CACNA1A: variants seen among roughly 807,000 people sequenced by gnomAD.
The protein encoded by CACNA1A is voltage-dependent P/Q-type calcium channel subunit alpha-1A.
A neutral mutation model predicts 262.4 loss-of-function variants in CACNA1A; 57 were observed. The observed-to-expected ratio is 0.22, with a 90% CI of 0.18 to 0.27. The LOEUF (loss-of-function observed/expected upper bound fraction) is 0.27, where lower values mean the gene tolerates loss of function less well. CACNA1A is among the 10% of genes least tolerant of loss of function. The probability of loss-of-function intolerance (pLI) is 1.00; values close to 1 mark genes in which losing one functional copy is unlikely to be tolerated. For missense variants in CACNA1A, 2,526 were observed against 3,562.8 expected, an observed-to-expected ratio of 0.71 and a Z score of 7.41; for synonymous variants, 1,431 against 1,419.3, an observed-to-expected ratio of 1.01 and a Z score of -0.18.
chr19:13,255,245 A>G lies in CACNA1A; in HGVS notation c.4605T>C (p.Asp1535=), dbSNP rs766436059. The G allele has an allele frequency of 6.2e-7, 1 of 1,602,166 alleles. No individual in the cohort carries two copies. Among genetic ancestry groups the G allele is most frequent in the Admixed American group, 1.7e-5 (1 of 59,536 alleles). Reference sequence around the variant, plus strand: ...TCAGCGGCTTGGCGCTGATGGCGAAATCAATGCAGGCCCTCTGCGGGAGAG... The same window carrying G: ...TCAGCGGCTTGGCGCTGATGGCGAAGTCAATGCAGGCCCTCTGCGGGAGAG... ...SLEKNERACI[D]FAISAKPLTR... Residue 1535 remains aspartate, a synonymous_variant, in exon 29 of 47, where the codon GAT becomes GAC. Transcript: ENST00000360228.
chr19:13,284,445 G>A (rs547014420), intron 21 of CACNA1A: 1 of 152,332 alleles, frequency 6.6e-6, no homozygotes, highest in East Asian at 1.9e-4. Flanking sequence ...ATCCTTCATT[G>A]TCAAGAAGCA....
At chr19:13,497,565 TATATATATATATATAA>T (rs1981826792) in intron 1 of CACNA1A, among the ~76,000 whole-genome samples, 1 of 37,506 alleles carries the variant, frequency 2.7e-5, no homozygotes, top group African/African-American at 1.0e-4. Context: ...TATATATATA[TATATATATATATATAA>T]ATTTATGTTG....
chr19:13,403,701 C>T lies in CACNA1A; in HGVS notation c.540-31922G>A, dbSNP rs867790543. 2.6e-5 allele frequency among the ~76,000 whole-genome samples: 4 copies of T among 151,968 alleles called. No individual in the cohort carries two copies. In the South Asian group the frequency reaches 6.2e-4, roughly 24 times the overall value. The stretch of plus-strand genomic sequence containing the variant: ...CTGTAATCCCAGCATGTTGGAAGGC[C>T]GAGGTGGGGGGATTGCTTGAACCTA... On this transcript the variant is annotated intron_variant, in intron 3 of 46. Transcript: ENST00000360228.
In CACNA1A at chr19:13,277,063, A is replaced by C; in HGVS notation, c.3882+6T>G. On this transcript the variant is annotated splice_donor_region_variant and intron_variant, in intron 23 of 46. Transcript: ENST00000360228. Reference sequence around the variant, plus strand: ...CCGTGTGTTCTCACTTATAATCTGCACTCACCTTGATCACCATCTCAAAGG... The same window carrying C: ...CCGTGTGTTCTCACTTATAATCTGCCCTCACCTTGATCACCATCTCAAAGG... 2.5e-6 allele frequency: 4 copies of C among 1,603,260 alleles called. No individual in the cohort carries two copies. Among genetic ancestry groups the C allele is most frequent in the Non-Finnish European group, 3.4e-6 (4 of 1,170,410 alleles).
At position 13,303,825 on chromosome 19, in the gene CACNA1A, G is replaced by T; in HGVS notation, c.2046C>A (p.Gly682=). The T allele has an allele frequency of 1.2e-6, 2 of 1,613,522 alleles. No homozygotes were observed. Among genetic ancestry groups the T allele is most frequent in the Non-Finnish European group, 1.7e-6 (2 of 1,179,628 alleles). The change falls in exon 16 of 47, where the codon GGC becomes GGA. Residue 682 remains glycine, a synonymous_variant. Transcript: ENST00000360228. ...TGGAGAACACCATGCCGCCCTGCAC[G>T]CCCCCCTGAGACTTGATCCCGTCGT... ...VMYDGIKSQG[G]VQGGMVFSIY...
At chr19:13,232,222 G>A (rs12459602) in intron 34 of CACNA1A, among the ~76,000 whole-genome samples, 24,462 of 145,610 alleles carry the variant, frequency 0.17, 2,815 homozygotes, top group East Asian at 0.64. Context: ...TTTTTGACAG[G>A]GTCTTGCTCT....
chr19:13,475,032 C>G (rs931105401), intron 1 of CACNA1A, among the ~76,000 whole-genome samples: 2 of 152,144 alleles, frequency 1.3e-5, no homozygotes, highest in Non-Finnish European at 2.9e-5. Flanking sequence ...AAATTAGAAG[C>G]ACTATAGGAA....
intron 3 of CACNA1A, among the ~76,000 whole-genome samples, chr19:13,415,572 C>G (rs2060205223): frequency 6.6e-6 from 1 of 151,456 alleles, no homozygotes; most frequent in Non-Finnish European, 1.5e-5. Context: ...AAAACCCGGT[C>G]TCTACTGAAA....
rs1568659847 is a variant in CACNA1A, at chr19:13,452,976, C to T, written c.439G>A (p.Glu147Lys). The T allele has an allele frequency of 6.2e-7, 1 of 1,613,878 alleles. No individual in the cohort carries two copies. ...EPYFIGIFCF[E>K]AGIKIIALGF... ...AGGGCAATGATTTTAATTCCAGCCT[C>T]GAAACAAAAAATTCCAATGAAGTAT... Residue 147 changes from glutamate (E) to lysine (K), a missense_variant, in exon 3 of 47, where the codon GAG (glutamate) becomes AAG (lysine). Coordinates refer to ENST00000360228, the MANE Select transcript of CACNA1A (RefSeq NM_001127222.2).
rs867520823 is a variant in CACNA1A, at chr19:13,212,312, G to T, written c.6189+72C>A. On this transcript the variant is annotated intron_variant, in intron 42 of 46. Coordinates refer to ENST00000360228, the MANE Select transcript of CACNA1A (RefSeq NM_001127222.2). The surrounding 1 kb of genome is among the most constrained non-coding windows in gnomAD (Gnocchi z 5.6). ...AGGGAGCTGCAGGTGTGTGTGTGTG[G>T]GGGGCCCAGATCCCTTCCACCTGAA... is the stretch of plus-strand genomic sequence containing the variant. The T allele has an allele frequency of 1.9e-6, 3 of 1,564,912 alleles. No individual in the cohort carries two copies. The highest frequency in any genetic ancestry group is 1.7e-5 in the Admixed American group (1 of 58,300).
At chr19:13,355,514 G>A (rs77214274) in intron 6 of CACNA1A, among the ~76,000 whole-genome samples, 302 of 152,294 alleles carry the variant, frequency 2.0e-3, no homozygotes, top group African/African-American at 6.8e-3. Flanking sequence ...ACGTGACCAG[G>A]TTAACCCTGC....
chr19:13,339,859 GCCAGCCA>G (rs2058645199), intron 6 of CACNA1A, among the ~76,000 whole-genome samples: 1 of 151,968 alleles, frequency 6.6e-6, no homozygotes, highest in Non-Finnish European at 1.5e-5. Context: ...CAATGAATGT[GCCAGCCA>G]CCAGCCCACA....
chr19:13,267,144 GAGAA>G (rs1022292650), intron 24 of CACNA1A, among the ~76,000 whole-genome samples: 7 of 152,204 alleles, frequency 4.6e-5, no homozygotes, highest in South Asian at 2.1e-4. Context: ...GAGAGAGAGA[GAGAA>G]AGAGAGAGAG....
At chr19:13,384,392 CA>C (rs1447976427) in intron 3 of CACNA1A, among the ~76,000 whole-genome samples, 2 of 152,138 alleles carry the variant, frequency 1.3e-5, no homozygotes, top group South Asian at 4.1e-4. Context: ...GCATACCTGA[CA>C]GTCAAGTTCA....
At chr19:13,396,579 T>C (rs931085658) in intron 3 of CACNA1A, among the ~76,000 whole-genome samples, 1 of 152,218 alleles carries the variant, frequency 6.6e-6, no homozygotes, top group Non-Finnish European at 1.5e-5. Flanking sequence ...AAAATTTTCA[T>C]TTGGTTAAAT....
intron 1 of CACNA1A, among the ~76,000 whole-genome samples, chr19:13,503,776 A>T (rs1458232080): frequency 1.3e-5 from 2 of 152,052 alleles, no homozygotes; most frequent in African/African-American, 4.8e-5. Context: ...CTCGGGTCAA[A>T]GAGAACAAAA....
At chr19:13,491,925 A>G (rs934850959) in intron 1 of CACNA1A, among the ~76,000 whole-genome samples, 1 of 152,164 alleles carries the variant, frequency 6.6e-6, no homozygotes, top group Non-Finnish European at 1.5e-5. Context: ...GCCGATACCT[A>G]TAACACTAAT....
Position 13,418,242 on chromosome 19 carries a change from T to A in CACNA1A, c.539+34634A>T, listed in dbSNP as rs191211366. On this transcript the variant is annotated intron_variant, in intron 3 of 46. Transcript: ENST00000360228. The stretch of plus-strand genomic sequence containing the variant: ...ACAATGGAATGAAGCTTCCATGAAG[T>A]CAGCTTTCTCAGGTCCACAGCAAAT... 8.5e-5 allele frequency among the ~76,000 whole-genome samples: 13 copies of A among 152,222 alleles called. No individual in the cohort carries two copies. The East Asian group carries it at 2.1e-3, about 25-fold the overall frequency.
intron 19 of CACNA1A, among the ~76,000 whole-genome samples, chr19:13,296,481 C>T (rs1340166713): frequency 6.6e-6 from 1 of 152,158 alleles, no homozygotes; most frequent in East Asian, 1.9e-4. Context: ...TACAAAATGT[C>T]GTTATGAAAA....
Sources: gnomAD v4.1 joint callset for allele counts (sites outside exome capture counted in the v4.1 genomes callset) on GRCh38, gnomAD v4.1.1 for gene constraint, Gnocchi (gnomAD v3.1) non-coding constraint, MANE v1.5 for transcripts, NCBI Gene and HGNC (gene_info 2026-07-23, HGNC 2026-07-21) for gene names.